Variants in CTNNA3 observed in about 807,000 individuals in gnomAD.
The protein encoded by CTNNA3 is catenin alpha 3.
CTNNA3 carries 76 observed loss-of-function variants against 95.7 expected under a neutral mutation model. That is an observed-to-expected ratio of 0.79 (90% CI 0.66 to 0.96). CTNNA3 has a LOEUF of 0.96. Ranked by LOEUF, CTNNA3 falls within the 40% of genes least tolerant of loss-of-function variation. The pLI, the probability that CTNNA3 is intolerant of heterozygous loss-of-function variation, is 0.00. For synonymous variants in CTNNA3, 431 were observed against 374.4 expected (o/e 1.15, Z -1.74); for missense variants, 1,191 against 1,089.8 (o/e 1.09, Z -1.31).
intron 5 of CTNNA3, among the ~76,000 whole-genome samples, chr10:67,515,115 T>C (rs1163659693): frequency 2.6e-5 from 4 of 152,230 alleles, no homozygotes; most frequent in African/African-American, 9.6e-5. Flanking sequence ...AGGACAAATG[T>C]ATAATATGCA....
intron 7 of CTNNA3, among the ~76,000 whole-genome samples, chr10:67,112,092 G>A (rs1858938893): frequency 6.6e-6 from 1 of 152,070 alleles, no homozygotes; most frequent in African/African-American, 2.4e-5. Flanking sequence ...TCGTCAGTTT[G>A]TTCTCTCAAT....
At chr10:67,426,969 A>ATGACAAAAT (rs1439726893) in intron 5 of CTNNA3, among the ~76,000 whole-genome samples, 1 of 152,092 alleles carries the variant, frequency 6.6e-6, no homozygotes, top group African/African-American at 2.4e-5. Context: ...TCATCAAGAG[A>ATGACAAAAT]CAGTTAACTT....
intron 7 of CTNNA3, among the ~76,000 whole-genome samples, chr10:66,866,103 T>C (rs1844164785): frequency 6.6e-6 from 1 of 152,080 alleles, no homozygotes; most frequent in South Asian, 2.1e-4. Flanking sequence ...CTTGAGAAAA[T>C]GATGTCCTGG....
At chr10:67,726,425 A>C (rs1196459327) in intron 1 of CTNNA3, among the ~76,000 whole-genome samples, 6 of 37,746 alleles carry the variant, frequency 1.6e-4, no homozygotes, top group Admixed American at 1.5e-3. Flanking sequence ...AATATTATAT[A>C]TTATATCATA....
intron 7 of CTNNA3, among the ~76,000 whole-genome samples, chr10:66,856,787 A>T (rs770200049): frequency 6.6e-6 from 1 of 151,956 alleles, no homozygotes; most frequent in Non-Finnish European, 1.5e-5. Flanking sequence ...TAAGTTCCTT[A>T]TAGATTCTGA....
chr10:67,390,175 G>C (rs539167049), intron 5 of CTNNA3, among the ~76,000 whole-genome samples: 1 of 151,880 alleles, frequency 6.6e-6, no homozygotes, highest in Non-Finnish European at 1.5e-5. Flanking sequence ...GACTAATAAA[G>C]AAAAAGAGAA....
intron 1 of CTNNA3, among the ~76,000 whole-genome samples, chr10:67,743,387 C>T (rs1246013498): frequency 6.6e-6 from 1 of 151,150 alleles, no homozygotes; most frequent in East Asian, 1.9e-4. Context: ...ATAAACAGAA[C>T]CAAAGACAAA....
chr10:67,153,500 G>A (rs1056067760), intron 7 of CTNNA3, among the ~76,000 whole-genome samples: 3 of 152,118 alleles, frequency 2.0e-5, no homozygotes, highest in Admixed American at 1.3e-4. Context: ...ATAAGAAACT[G>A]GAATTTCAGA....
intron 13 of CTNNA3, among the ~76,000 whole-genome samples, chr10:66,232,495 T>C (rs1261653391): frequency 6.6e-6 from 1 of 152,074 alleles, no homozygotes; most frequent in South Asian, 2.1e-4. Flanking sequence ...ATTTCAGTTC[T>C]CTTCAAGTTA....
At chr10:66,510,917 G>T (rs751940247) in intron 11 of CTNNA3, among the ~76,000 whole-genome samples, 1 of 151,854 alleles carries the variant, frequency 6.6e-6, no homozygotes, top group East Asian at 1.9e-4. Flanking sequence ...AATTAATTAG[G>T]AAGAATTTCT....
intron 12 of CTNNA3, among the ~76,000 whole-genome samples, chr10:66,353,538 A>T (rs1375337047): frequency 6.6e-6 from 1 of 152,136 alleles, no homozygotes; most frequent in Admixed American, 6.5e-5. Flanking sequence ...GAGAACCTCA[A>T]GAAAAATGAA....
intron 2 of CTNNA3, among the ~76,000 whole-genome samples, chr10:67,628,634 T>G (rs1161962020): frequency 6.6e-6 from 1 of 152,132 alleles, no homozygotes; most frequent in Non-Finnish European, 1.5e-5. Context: ...TGTTTAACCT[T>G]TTTTCTGAGT....
intron 13 of CTNNA3, among the ~76,000 whole-genome samples, chr10:66,152,484 AT>A (rs1394526312): frequency 6.6e-6 from 1 of 151,928 alleles, no homozygotes; most frequent in African/African-American, 2.4e-5. Context: ...AAAAATTCTC[AT>A]GTATACTTTC....
chr10:66,764,663 A>AT (rs1301473751), intron 9 of CTNNA3, among the ~76,000 whole-genome samples: 1 of 152,136 alleles, frequency 6.6e-6, no homozygotes, highest in Non-Finnish European at 1.5e-5. Flanking sequence ...TAGAGAACAC[A>AT]TTTTTAGATA....
At position 66,806,146 on chromosome 10, in the gene CTNNA3, TAAAG is replaced by T. The variant is rs1841630353; in HGVS notation, c.1048-30626_1048-30623del. Among the ~76,000 whole-genome samples the T allele has an allele frequency of 2.0e-5, 3 of 151,776 alleles. No individual in the cohort carries two copies. In the South Asian group the frequency reaches 6.2e-4, roughly 32 times the overall value. On this transcript the variant is annotated intron_variant, in intron 7 of 17. Transcript: ENST00000433211. Reference sequence around the variant, plus strand: ...TGATTATAAGAGTGCTTTAGGGAAATAAAGAAGCAAAAGAGAGAAGGGAAATTTA... The same window carrying T: ...TGATTATAAGAGTGCTTTAGGGAAATAAGCAAAAGAGAGAAGGGAAATTTA...
At chr10:66,586,486 C>T (rs957628799) in intron 10 of CTNNA3, among the ~76,000 whole-genome samples, 4 of 152,110 alleles carry the variant, frequency 2.6e-5, no homozygotes, top group Admixed American at 2.6e-4. Context: ...CTTTTCAGAT[C>T]AAACAGGTAT....
intron 5 of CTNNA3, among the ~76,000 whole-genome samples, chr10:67,265,584 A>G (rs1866790286): frequency 6.6e-6 from 1 of 151,620 alleles, no homozygotes; most frequent in South Asian, 2.1e-4. Flanking sequence ...GCCCACACAC[A>G]CCTCCCTCCT....
At chr10:67,229,197 A>C (rs1251080084) in intron 5 of CTNNA3, among the ~76,000 whole-genome samples, 1 of 152,234 alleles carries the variant, frequency 6.6e-6, no homozygotes, top group Non-Finnish European at 1.5e-5. Context: ...ACACCACATA[A>C]ACAGAATTAA....
intron 11 of CTNNA3, 26 bp from the exon 12 acceptor site, chr10:66,379,378 T>A (rs777498783): frequency 1.3e-6 from 2 of 1,579,278 alleles, no homozygotes; most frequent in Non-Finnish European, 8.7e-7. Flanking sequence ...TCAAATTAGT[T>A]TTTGCGTGTG....
Sources: gnomAD v4.1 joint callset for allele counts (sites outside exome capture counted in the v4.1 genomes callset) on GRCh38, gnomAD v4.1.1 for gene constraint, MANE v1.5 for transcripts, NCBI Gene and HGNC (gene_info 2026-07-23, HGNC 2026-07-21) for gene names.